THBS4: variants seen among roughly 807,000 people sequenced by gnomAD.
The protein encoded by THBS4 is thrombospondin 4.
THBS4 carries 90 observed loss-of-function variants against 115.7 expected under a neutral mutation model. That is an observed-to-expected ratio of 0.78 (90% CI 0.66 to 0.93). The LOEUF (loss-of-function observed/expected upper bound fraction) is 0.93, where lower values mean the gene tolerates loss of function less well. THBS4 is among the 40% of genes least tolerant of loss of function. The pLI is 0.00. For synonymous variants in THBS4, 460 were observed against 479.3 expected (o/e 0.96, Z 0.53); for missense variants, 1,087 against 1,232.7 (o/e 0.88, Z 1.77).
At chr5:80,033,715 A>G (rs17878919), upstream of THBS4, among the ~76,000 whole-genome samples, 41,677 of 152,178 alleles carry the variant, frequency 0.27, 6,065 homozygotes, top group Middle Eastern at 0.38. Context: ...ACAGGCATCC[A>G]CTAGGCTTGC....
At chr5:80,070,558 A>AAAGCC (rs1194634492) in intron 11 of THBS4, 85 bp from the exon 12 acceptor site, 1 of 1,431,324 alleles carries the variant, frequency 7.0e-7, no homozygotes, top group Non-Finnish European at 9.8e-7. Context: ...CACCAACAAT[A>AAAGCC]AAGCCACAGT....
intron 15 of THBS4, chr5:80,074,306 C>T (rs924416349): frequency 6.6e-6 from 1 of 152,090 alleles, no homozygotes; most frequent in Non-Finnish European, 1.5e-5. Flanking sequence ...ACCCTCCTAG[C>T]TCAACACGAT....
At chr5:79,996,462 A>G (rs1022921866) in intron 1 of THBS4, among the ~76,000 whole-genome samples, 3 of 152,204 alleles carry the variant, frequency 2.0e-5, no homozygotes, top group Non-Finnish European at 4.4e-5. Context: ...ATGATAGAAG[A>G]GGGATGGTAC....
At chr5:80,042,256 C>A (rs1035567666) in intron 2 of THBS4, among the ~76,000 whole-genome samples, 1 of 152,232 alleles carries the variant, frequency 6.6e-6, no homozygotes, top group East Asian at 1.9e-4. Flanking sequence ...TTTTGCCTAG[C>A]ATCTGCTGAA....
At chr5:80,059,544 G>C (rs1214909027) in intron 6 of THBS4, 53 bp downstream of exon 6, 2 of 1,607,456 alleles carry the variant, frequency 1.2e-6, no homozygotes, top group African/African-American at 2.7e-5. Context: ...GCAGGCTGAT[G>C]AAGGGCTTGC....
rs149327784 is a variant in THBS4, at chr5:80,059,508, T to G, written c.784+17T>G. On this transcript the variant is annotated intron_variant, in intron 6 of 21. Transcript: ENST00000350881. ...AGGCTTGCGGTAAGTGCTTTTCTAG[T>G]AATGGGCTCGCCTGAGTTGGATGAT... 6.2e-7 allele frequency: 1 copy of G among 1,613,930 alleles called. No homozygotes were observed. Among genetic ancestry groups the G allele is most frequent in the East Asian group, 2.2e-5 (1 of 44,864 alleles).
intron 2 of THBS4, among the ~76,000 whole-genome samples, chr5:80,041,842 C>T (rs1832913252): frequency 6.6e-6 from 1 of 152,198 alleles, no homozygotes; most frequent in Admixed American, 6.5e-5. Context: ...ATGTTTATTT[C>T]AGTTTGCTTT....
intron 1 of THBS4, chr5:79,991,443 C>T (rs1470941471): frequency 2.1e-6 from 1 of 480,726 alleles, no homozygotes; most frequent in Admixed American, 3.8e-5. Context: ...GTCAGACCCA[C>T]CAGTAATTCT....
At chr5:80,072,601 C>G (rs1412334434) in intron 14 of THBS4, 3 of 573,110 alleles carry the variant, frequency 5.2e-6, no homozygotes, top group Admixed American at 2.9e-5. Context: ...GACTATCTCC[C>G]AGGCTGTCGA....
intron 2 of THBS4, among the ~76,000 whole-genome samples, chr5:80,029,826 C>T (rs531343984): frequency 7.3e-5 from 11 of 151,194 alleles, no homozygotes; most frequent in East Asian, 5.8e-4. Context: ...AAAAATTAGC[C>T]GGGCATGGTG....
At chr5:80,067,508 G>A (rs1031805849) in intron 9 of THBS4, 3 of 152,602 alleles carry the variant, frequency 2.0e-5, no homozygotes, top group Non-Finnish European at 4.4e-5. Flanking sequence ...TCTCAATGCA[G>A]GCCACCAGCA....
intron 2 of THBS4, among the ~76,000 whole-genome samples, chr5:80,005,596 A>C (rs1306918411): frequency 1.1e-4 from 17 of 152,024 alleles, no homozygotes; most frequent in Admixed American, 1.1e-3. Context: ...TATTGGCCTG[A>C]GCAGTTCACT....
At chr5:80,036,574 A>G (rs1832726470) in intron 1 of THBS4, among the ~76,000 whole-genome samples, 1 of 152,246 alleles carries the variant, frequency 6.6e-6, no homozygotes, top group Non-Finnish European at 1.5e-5. Context: ...TCAACAAATA[A>G]TGTGAAAAGA....
intron 2 of THBS4, among the ~76,000 whole-genome samples, chr5:80,017,872 C>A (rs939864198): frequency 1.1e-4 from 16 of 151,358 alleles, no homozygotes; most frequent in African/African-American, 3.9e-4. Flanking sequence ...TGGGATTGAT[C>A]TTTTTTTTTC....
Position 80,083,171 on chromosome 5 carries a change from G to C in THBS4, c.*30G>C, listed in dbSNP as rs373926008. ...AGGAAGCAATCTGTAACTGCTTTTC[G>C]GAACACTAAAACCATATATATTTTA... On this transcript the variant is annotated 3_prime_UTR_variant, in exon 22 of 22. Coordinates refer to ENST00000350881, the MANE Select transcript of THBS4 (RefSeq NM_003248.6). The C allele has an allele frequency of 9.5e-6, 15 of 1,579,356 alleles. No homozygotes were observed. Among genetic ancestry groups the C allele is most frequent in the Non-Finnish European group, 1.3e-5 (15 of 1,148,460 alleles).
chr5:80,070,858 T>C, intron 12 of THBS4, 108 bp downstream of exon 12: 1 of 1,555,426 alleles, frequency 6.4e-7, no homozygotes, highest in Non-Finnish European at 8.8e-7. Context: ...TTAGTTTCCA[T>C]GCCTGCATTC....
chr5:80,034,449 G>A (rs759296591), upstream of THBS4, among the ~76,000 whole-genome samples: 2 of 152,208 alleles, frequency 1.3e-5, no homozygotes, highest in African/African-American at 2.4e-5. Context: ...GATTGTTACA[G>A]AGGAGAAATT....
In THBS4 at chr5:80,058,778, T is replaced by G; in HGVS notation, c.720T>G (p.Leu240=). The part of the protein sequence containing the change: ...LNQLLGEVKD[L]LRQQVKETSF... ...AACTCCTGGGAGAGGTGAAGGACCT[T>G]CTGAGACAGCAGGTAACAAGCGGGA... is the stretch of plus-strand genomic sequence containing the variant. Residue 240 remains leucine, a synonymous_variant, in exon 5 of 22, where the codon CTT becomes CTG. Transcript: ENST00000350881. 6.2e-7 allele frequency: 1 copy of G among 1,613,674 alleles called. No homozygotes were observed. Among genetic ancestry groups the G allele is most frequent in the South Asian group, 1.1e-5 (1 of 90,970 alleles).
chr5:80,016,034 A>C (rs1832238962), intron 2 of THBS4, among the ~76,000 whole-genome samples: 3 of 152,206 alleles, frequency 2.0e-5, no homozygotes, highest in Admixed American at 1.3e-4. Flanking sequence ...CTCTTGGACC[A>C]GAAGGGCTGT....
Sources: gnomAD v4.1 joint callset for allele counts (sites outside exome capture counted in the v4.1 genomes callset) on GRCh38, gnomAD v4.1.1 for gene constraint, MANE v1.5 for transcripts, NCBI Gene and HGNC (gene_info 2026-07-23, HGNC 2026-07-21) for gene names.